HILPDA: variants seen among roughly 807,000 people sequenced by gnomAD.
The protein encoded by HILPDA is hypoxia inducible lipid droplet associated, also known as hypoxia-inducible lipid droplet-associated protein.
For synonymous variants in HILPDA, 37 were observed against 33.2 expected, an observed-to-expected ratio of 1.12 and a Z score of -0.40; for missense variants, 72 against 73.5, an observed-to-expected ratio of 0.98 and a Z score of 0.08.
In HILPDA at chr7:128,455,880, G is replaced by T. The variant is rs1042794735; in HGVS notation, c.-212G>T. The T allele has an allele frequency of 1.1e-5, 5 of 456,756 alleles. No homozygotes were observed. The highest frequency in any genetic ancestry group is 2.0e-5 in the African/African-American group (1 of 50,224). The allele number at this position is 456,756 out of a possible 1,614,324, so 28.3% of individuals were successfully genotyped here. Reference sequence around the variant, plus strand: ...CGGAGGCTGGGCGGCGTTGCTCTGCGCTCTGCGGCTGACGGCGCTTTTGTC... The same window carrying T: ...CGGAGGCTGGGCGGCGTTGCTCTGCTCTCTGCGGCTGACGGCGCTTTTGTC... On this transcript the variant is annotated 5_prime_UTR_variant, in exon 1 of 2. Transcript: ENST00000257696.
chr7:128,457,530 C>T lies in HILPDA; in HGVS notation c.*70C>T, dbSNP rs1799561046. On this transcript the variant is annotated 3_prime_UTR_variant, in exon 2 of 2. Coordinates refer to ENST00000257696, the MANE Select transcript of HILPDA (RefSeq NM_013332.4). ...GACATGTCCAGATGGGAGTCCCATT[C>T]CTAGCAGACAAGCTGAGCACCGTTG... is the stretch of plus-strand genomic sequence containing the variant. 9 of 1,382,210 alleles carry T rather than the reference C, an allele frequency of 6.5e-6. No individual in the cohort carries two copies. The highest frequency in any genetic ancestry group is 9.2e-6 in the Non-Finnish European group (9 of 975,938). The allele number at this position is 1,382,210 out of a possible 1,614,324, so 85.6% of individuals were successfully genotyped here.
At chr7:128,457,054 T>C (rs551374193) in intron 1 of HILPDA, 147 bp from the exon 2 acceptor site, 132 of 436,688 alleles carry the variant, frequency 3.0e-4, no homozygotes, top group South Asian at 1.0e-3. Flanking sequence ...AAAATATTCT[T>C]GGAGAGTTGC....
At position 128,457,317 on chromosome 7, in the gene HILPDA, C is replaced by A; in HGVS notation, c.49C>A (p.Leu17Ile). The A allele has an allele frequency of 6.2e-7, 1 of 1,614,086 alleles. No homozygotes were observed. Among genetic ancestry groups the A allele is most frequent in the Non-Finnish European group, 8.5e-7 (1 of 1,179,964 alleles). ...LYLLGVVLTLLSIFVRVMESL... is the reference protein window; with the variant it reads ...LYLLGVVLTLISIFVRVMESL... ...CCTGTTAGGTGTGGTACTGACCCTA[C>A]TCTCCATCTTCGTTAGAGTGATGGA... Residue 17 changes from leucine to isoleucine, a missense_variant, in exon 2 of 2, where the codon CTC (leucine) becomes ATC (isoleucine). Physicochemically the swap from Leu to Ile is conservative, Grantham distance 5. Coordinates refer to ENST00000257696, the MANE Select transcript of HILPDA (RefSeq NM_013332.4).
At position 128,457,760 on chromosome 7, in the gene HILPDA, A is replaced by AAGTTAAATACAAC; in HGVS notation, c.*305_*306insAATACAACAGTTA. 3.7e-6 allele frequency: 1 copy of AAGTTAAATACAAC among 267,246 alleles called. No homozygotes were observed. The highest frequency in any genetic ancestry group is 7.6e-6 in the Non-Finnish European group (1 of 131,602). The allele number at this position is 267,246 out of a possible 1,614,324, so 16.6% of individuals were successfully genotyped here. A position where few individuals can be genotyped will look rare whatever the true frequency, so the allele number is the denominator to read the frequency against. Reference sequence around the variant, plus strand: ...AACCCCATCTCTACTAAAAATACAAAAGTTAGCTGGGTGTGGTGGCAGAGG... The same window carrying AAGTTAAATACAAC: ...AACCCCATCTCTACTAAAAATACAAAAGTTAAATACAACAGTTAGCTGGGTGTGGTGGCAGAGG... On this transcript the variant is annotated 3_prime_UTR_variant, in exon 2 of 2. Coordinates refer to ENST00000257696, the MANE Select transcript of HILPDA (RefSeq NM_013332.4).
In HILPDA at chr7:128,457,257, G is replaced by A; in HGVS notation, c.-12G>A. On this transcript the variant is annotated 5_prime_UTR_variant, in exon 2 of 2. Coordinates refer to ENST00000257696, the MANE Select transcript of HILPDA (RefSeq NM_013332.4). ...CTCTGTTTCTCTGCAGAGGAGTAGGGTCCTTTCAGCCATGAAGCATGTGTT... is the reference window on the plus strand; with the variant it reads ...CTCTGTTTCTCTGCAGAGGAGTAGGATCCTTTCAGCCATGAAGCATGTGTT... The A allele has an allele frequency of 6.2e-7, 1 of 1,604,028 alleles. No individual in the cohort carries two copies. The highest frequency in any genetic ancestry group is 8.5e-7 in the Non-Finnish European group (1 of 1,172,074).
rs1799554392 is a variant in HILPDA at position 128,457,214 on chromosome 7, T to C, written c.-55T>C. ...CTTTTTTCTCAGGGTCCAGAGGCCT[T>C]TCAGAAGGAGAAGGCAGCTCTGTTT... On this transcript the variant is annotated 5_prime_UTR_variant, in exon 2 of 2. Transcript: ENST00000257696. The C allele has an allele frequency of 6.7e-7, 1 of 1,503,146 alleles. No homozygotes were observed. The highest frequency in any genetic ancestry group is 1.2e-5 in the South Asian group (1 of 84,244). 93.1% of individuals were successfully genotyped at this position (1,503,146 alleles called of 1,614,324 possible). A position where few individuals can be genotyped will look rare whatever the true frequency, so the allele number is the denominator to read the frequency against.
In HILPDA at chr7:128,457,633, C is replaced by T. The variant is rs567077954; in HGVS notation, c.*173C>T. ...TTGCCTGGGCAAGGCCTGTTTAGGC[C>T]GGTTGCGGTGGCTCATGCCTGTAAT... is the stretch of plus-strand genomic sequence containing the variant. On this transcript the variant is annotated 3_prime_UTR_variant, in exon 2 of 2. Transcript: ENST00000257696. 18 of 640,222 alleles carry T rather than the reference C, an allele frequency of 2.8e-5. No homozygotes were observed. The highest frequency in any genetic ancestry group is 1.1e-4 in the African/African-American group (6 of 54,524). The allele number at this position is 640,222 out of a possible 1,614,324, so 39.7% of individuals were successfully genotyped here.
At position 128,457,253 on chromosome 7, in the gene HILPDA, T is replaced by A; in HGVS notation, c.-16T>A. 1 of 1,601,626 alleles carries A rather than the reference T, an allele frequency of 6.2e-7. No individual in the cohort carries two copies. Among genetic ancestry groups the A allele is most frequent in the African/African-American group, 1.3e-5 (1 of 74,658 alleles). On this transcript the variant is annotated 5_prime_UTR_variant, in exon 2 of 2. Transcript: ENST00000257696. ...GCAGCTCTGTTTCTCTGCAGAGGAG[T>A]AGGGTCCTTTCAGCCATGAAGCATG...
At chr7:128,456,979 T>C (rs1799550214) in intron 1 of HILPDA, among the ~76,000 whole-genome samples, 1 of 152,172 alleles carries the variant, frequency 6.6e-6, no homozygotes, top group South Asian at 2.1e-4. Context: ...GTAAAAGTTT[T>C]AAGAAGTGTT....
At position 128,455,910 on chromosome 7, in the gene HILPDA, G is replaced by A. The variant is rs962097049; in HGVS notation, c.-182G>A. On this transcript the variant is annotated 5_prime_UTR_variant, in exon 1 of 2. The change creates a new upstream start codon in the 5' untranslated region. Transcript: ENST00000257696. ...GCGGCTGACGGCGCTTTTGTCTCCG[G>A]TGAGTTTTGTGGCGGGAAGCTTCTG... The A allele has an allele frequency of 8.8e-6, 4 of 456,630 alleles. No homozygotes were observed. The highest frequency in any genetic ancestry group is 1.8e-5 in the Non-Finnish European group (4 of 226,980). 28.3% of individuals were successfully genotyped at this position (456,630 alleles called of 1,614,324 possible).
Position 128,457,455 on chromosome 7 carries a change from A to C in HILPDA, c.187A>C (p.Met63Leu), listed in dbSNP as rs751445614. 6.2e-7 allele frequency: 1 copy of C among 1,614,112 alleles called. No homozygotes were observed. Among genetic ancestry groups the C allele is most frequent in the South Asian group, 1.1e-5 (1 of 91,084 alleles). The change falls in exon 2 of 2, where the codon ATG becomes CTG. Residue 63 changes from methionine (M) to leucine (L), a missense_variant. Transcript: ENST00000257696. ...CCTTCCAGACCATCCATCCAGAAGC[A>C]TGTGATAAGACCTCCTTCCATACTG... ...KGLPDHPSRS[M>L]
At position 128,457,572 on chromosome 7, in the gene HILPDA, A is replaced by G; in HGVS notation, c.*112A>G. On this transcript the variant is annotated 3_prime_UTR_variant, in exon 2 of 2. Coordinates refer to ENST00000257696, the MANE Select transcript of HILPDA (RefSeq NM_013332.4). ...GCACCGTTGTAACCAGAGAACTATT[A>G]CTAGGCCTTGAAGAACCTGTCTAAC... 1.9e-6 allele frequency: 2 copies of G among 1,033,864 alleles called. No individual in the cohort carries two copies. The highest frequency in any genetic ancestry group is 2.9e-6 in the Non-Finnish European group (2 of 689,538). 64.0% of individuals were successfully genotyped at this position (1,033,864 alleles called of 1,614,324 possible). A position where few individuals can be genotyped will look rare whatever the true frequency, so the allele number is the denominator to read the frequency against.
At chr7:128,457,026 C>G in intron 1 of HILPDA, among the ~76,000 whole-genome samples, 175 bp from the exon 2 acceptor site, 1 of 152,176 alleles carries the variant, frequency 6.6e-6, no homozygotes, top group East Asian at 1.9e-4. Flanking sequence ...GGCTCCGCAG[C>G]CATGAAGTTT....
At chr7:128,456,096 G>T in intron 1 of HILPDA, 73 bp downstream of exon 1, 1 of 410,106 alleles carries the variant, frequency 2.4e-6, no homozygotes, top group Admixed American at 2.7e-5. Context: ...GCAGCCTCGC[G>T]TTCCAGGGCT....
intron 1 of HILPDA, 111 bp from the exon 2 acceptor site, chr7:128,457,090 C>G: frequency 2.0e-6 from 1 of 502,706 alleles, no homozygotes; most frequent in Non-Finnish European, 3.6e-6. Context: ...TCCCTGTGTC[C>G]CTCACTGGCT....
intron 1 of HILPDA, 90 bp downstream of exon 1, chr7:128,456,113 G>C (rs1799536935): frequency 3.1e-5 from 12 of 385,954 alleles, no homozygotes; most frequent in South Asian, 2.1e-4. Flanking sequence ...GGCTGGGGGT[G>C]CGCCGCCGGG....
chr7:128,455,976 C>T lies in HILPDA; in HGVS notation c.-116C>T, dbSNP rs1259924014. Reference sequence around the variant, plus strand: ...ACCGACTTTCCTCCGGACTCCTGCACGACCTGCTCCTACAGCCGGCGATCC... The same window carrying T: ...ACCGACTTTCCTCCGGACTCCTGCATGACCTGCTCCTACAGCCGGCGATCC... On this transcript the variant is annotated 5_prime_UTR_variant, in exon 1 of 2. In the 5' UTR this introduces an upstream ATG that the reference lacks. Coordinates refer to ENST00000257696, the MANE Select transcript of HILPDA (RefSeq NM_013332.4). 1.1e-5 allele frequency: 5 copies of T among 456,592 alleles called. No homozygotes were observed. The highest frequency in any genetic ancestry group is 7.7e-5 in the South Asian group (5 of 64,560). 28.3% of individuals were successfully genotyped at this position (456,592 alleles called of 1,614,324 possible). A position where few individuals can be genotyped will look rare whatever the true frequency, so the allele number is the denominator to read the frequency against.
In HILPDA at chr7:128,457,489, T is replaced by A. The variant is rs1369010652; in HGVS notation, c.*29T>A. On this transcript the variant is annotated 3_prime_UTR_variant, in exon 2 of 2. Transcript: ENST00000257696. ...GACCTCCTTCCATACTGGCCATATT[T>A]TGGAACACTGACCTAGACATGTCCA... 1 of 1,602,992 alleles carries A rather than the reference T, an allele frequency of 6.2e-7. No individual in the cohort carries two copies. Among genetic ancestry groups the A allele is most frequent in the Non-Finnish European group, 8.5e-7 (1 of 1,170,410 alleles).
In HILPDA at chr7:128,457,579, C is replaced by G; in HGVS notation, c.*119C>G. 1 of 949,052 alleles carries G rather than the reference C, an allele frequency of 1.1e-6. No homozygotes were observed. Among genetic ancestry groups the G allele is most frequent in the Non-Finnish European group, 1.6e-6 (1 of 619,404 alleles). The allele number at this position is 949,052 out of a possible 1,614,324, so 58.8% of individuals were successfully genotyped here. On this transcript the variant is annotated 3_prime_UTR_variant, in exon 2 of 2. Transcript: ENST00000257696. ...TGTAACCAGAGAACTATTACTAGGC[C>G]TTGAAGAACCTGTCTAACTGGATGC...
Sources: allele counts gnomAD v4.1 joint callset (sites outside exome capture counted in the v4.1 genomes callset), GRCh38; gene constraint gnomAD v4.1.1; transcripts MANE v1.5; gene names NCBI Gene and HGNC (gene_info 2026-07-23, HGNC 2026-07-21).